Variants in KSR1 observed in about 807,000 individuals in gnomAD.
The protein encoded by KSR1 is kinase suppressor of ras 1.
Under a neutral mutation model 92.9 loss-of-function variants are expected in KSR1, and 35 were observed. The ratio of observed to expected loss-of-function variants is 0.38; its 90% CI spans 0.29 to 0.50. The LOEUF is 0.50. Among genes scored for constraint, KSR1 ranks in the 20% least tolerant of loss-of-function variants. KSR1 has a pLI of 0.94. For missense variants in KSR1, 972 were observed against 1,158.5 expected (o/e 0.84, Z 2.34); for synonymous variants, 467 against 472.6 (o/e 0.99, Z 0.15).
chr17:27,501,292 C>CTTTTTTTTTTTTTTTTTTTT, intron 1 of KSR1, among the ~76,000 whole-genome samples: 6 of 49,702 alleles, frequency 1.2e-4, no homozygotes, highest in East Asian at 8.7e-4. Context: ...TTCTTTTCTT[C>CTTTTTTTTTTTTTTTTTTTT]TTTTTTTTTT....
In KSR1 at chr17:27,625,386, T is replaced by G. The variant is rs2074319737; in HGVS notation, c.*1994T>G. On this transcript the variant is annotated 3_prime_UTR_variant, in exon 21 of 21. Coordinates refer to ENST00000644974, the MANE Select transcript of KSR1 (RefSeq NM_001394583.1). ...GTGAGCATCACAGTTAAAGAAGCGCTCATTGAGCAACTACAGTGCACTTGG... is the reference window on the plus strand; with the variant it reads ...GTGAGCATCACAGTTAAAGAAGCGCGCATTGAGCAACTACAGTGCACTTGG... 6.6e-6 allele frequency: 1 copy of G among 152,290 alleles called. No homozygotes were observed. Among genetic ancestry groups the G allele is most frequent in the Non-Finnish European group, 1.5e-5 (1 of 68,066 alleles). 9.4% of individuals were successfully genotyped at this position (152,290 alleles called of 1,614,324 possible).
chr17:27,471,338 G>A (rs1031815873), intron 1 of KSR1, among the ~76,000 whole-genome samples: 4 of 152,210 alleles, frequency 2.6e-5, no homozygotes, highest in African/African-American at 9.6e-5. Context: ...CTGGAAGTGG[G>A]TTAGAGAGAG....
At chr17:27,555,599 T>C (rs532618114) in intron 2 of KSR1, among the ~76,000 whole-genome samples, 1 of 152,294 alleles carries the variant, frequency 6.6e-6, no homozygotes, top group South Asian at 2.1e-4. Context: ...CAGCCCCCTC[T>C]GTTTTTTACT....
chr17:27,484,629 C>A (rs1247396147), intron 1 of KSR1, among the ~76,000 whole-genome samples: 3 of 142,580 alleles, frequency 2.1e-5, no homozygotes. Context: ...AGCATACACA[C>A]AATTCCTATC....
In KSR1 at chr17:27,582,557, C is replaced by G. The variant is rs2072804304; in HGVS notation, c.521-89C>G. 3 of 1,169,438 alleles carry G rather than the reference C, an allele frequency of 2.6e-6. No individual in the cohort carries two copies. The East Asian group carries it at 7.2e-5, about 28-fold the overall frequency. 72.4% of individuals were successfully genotyped at this position (1,169,438 alleles called of 1,614,324 possible). On this transcript the variant is annotated intron_variant, in intron 3 of 20. Transcript: ENST00000644974. ...CTTAAGAAACAGTGCAGCCTCACAC[C>G]AGGTGTTGAACATCTCTGGCCCCTA... is the stretch of plus-strand genomic sequence containing the variant.
At chr17:27,620,475 A>G (rs1336828462) in intron 19 of KSR1, among the ~76,000 whole-genome samples, 1 of 152,194 alleles carries the variant, frequency 6.6e-6, no homozygotes, top group East Asian at 1.9e-4. Context: ...GGAACATTAT[A>G]GTTGGGCACT....
chr17:27,504,208 C>T (rs2069293847), intron 1 of KSR1, among the ~76,000 whole-genome samples: 1 of 152,186 alleles, frequency 6.6e-6, no homozygotes, highest in African/African-American at 2.4e-5. Context: ...ACCCAAACAT[C>T]TGTGAAGGCA....
intron 1 of KSR1, among the ~76,000 whole-genome samples, chr17:27,490,722 C>T (rs936562666): frequency 3.3e-5 from 5 of 152,270 alleles, no homozygotes; most frequent in African/African-American, 1.2e-4. Context: ...AGGCAGCTGA[C>T]CCCTGTAAAT....
At chr17:27,460,126 C>T (rs1190901812) in intron 1 of KSR1, among the ~76,000 whole-genome samples, 1 of 152,080 alleles carries the variant, frequency 6.6e-6, no homozygotes, top group Admixed American at 6.5e-5. Flanking sequence ...GCTAGACCCT[C>T]CTAGGGGTCT....
chr17:27,482,453 C>T (rs569669651), intron 1 of KSR1, among the ~76,000 whole-genome samples: 48 of 152,122 alleles, frequency 3.2e-4, no homozygotes, highest in African/African-American at 1.1e-3. Context: ...GATGCTAGCT[C>T]AATAAAGTTA....
At chr17:27,563,284 C>A (rs1238025153) in intron 2 of KSR1, among the ~76,000 whole-genome samples, 1 of 152,096 alleles carries the variant, frequency 6.6e-6, no homozygotes, top group East Asian at 1.9e-4. Context: ...TTTCCATTTT[C>A]CTTTTCTGTT....
chr17:27,605,661 G>C lies in KSR1; in HGVS notation c.1842G>C (p.Val614=), dbSNP rs1484486519. Residue 614 remains valine, a synonymous_variant, in exon 14 of 21, where the codon GTG becomes GTC. Coordinates refer to ENST00000644974, the MANE Select transcript of KSR1 (RefSeq NM_001394583.1). ...RVHRGRWHGE[V]AIRLLEMDGH... ...ACCGCGGCCGCTGGCATGGCGAGGTGGCCATTCGCCTGCTGGAGATGGACG... is the reference window on the plus strand; with the variant it reads ...ACCGCGGCCGCTGGCATGGCGAGGTCGCCATTCGCCTGCTGGAGATGGACG... 1 of 1,612,210 alleles carries C rather than the reference G, an allele frequency of 6.2e-7. No homozygotes were observed. Among genetic ancestry groups the C allele is most frequent in the Non-Finnish European group, 8.5e-7 (1 of 1,179,734 alleles).
chr17:27,623,111 C>T (rs922434519), intron 20 of KSR1: 1 of 603,684 alleles, frequency 1.7e-6, no homozygotes, highest in African/African-American at 1.9e-5. Flanking sequence ...CGTTGCTGCT[C>T]CAAGTAGGAC....
intron 1 of KSR1, among the ~76,000 whole-genome samples, chr17:27,458,923 T>A (rs886889044): frequency 2.0e-5 from 3 of 152,176 alleles, no homozygotes; most frequent in African/African-American, 7.2e-5. Context: ...AGCTCGAAAT[T>A]CTCTAGGTTA....
chr17:27,600,695 C>T lies in KSR1; in HGVS notation c.1469-665C>T, dbSNP rs549339146. ...ACATCACTAGGCAAGAGGAATTTTC[C>T]CACTCCATTATAATTAGGGCCACCG... On this transcript the variant is annotated intron_variant, in intron 10 of 20. Coordinates refer to ENST00000644974, the MANE Select transcript of KSR1 (RefSeq NM_001394583.1). Among the ~76,000 whole-genome samples, 97 of 152,234 alleles carry T rather than the reference C, an allele frequency of 6.4e-4. 1 individual carries two copies. The highest frequency in any genetic ancestry group is 2.0e-3 in the African/African-American group (85 of 41,526).
At chr17:27,571,217 C>T (rs1202479235) in intron 2 of KSR1, among the ~76,000 whole-genome samples, 3 of 152,300 alleles carry the variant, frequency 2.0e-5, no homozygotes, top group Non-Finnish European at 2.9e-5. Flanking sequence ...ACAAGCAAAG[C>T]CAACATCCCC....
intron 18 of KSR1, among the ~76,000 whole-genome samples, chr17:27,614,467 AGTGCCATCTTCAGGGAG>A (rs2074003762): frequency 6.6e-6 from 1 of 152,176 alleles, no homozygotes; most frequent in African/African-American, 2.4e-5. Context: ...GAGAATGGTA[AGTGCCATCTTCAGGGAG>A]GCAAAGGCTG....
Position 27,625,932 on chromosome 17 carries a change from C to T in KSR1, c.*2540C>T, listed in dbSNP as rs1044729056. The T allele has an allele frequency of 1.3e-5, 2 of 152,358 alleles. No individual in the cohort carries two copies. The highest frequency in any genetic ancestry group is 1.9e-4 in the East Asian group (1 of 5,180). 9.4% of individuals were successfully genotyped at this position (152,358 alleles called of 1,614,324 possible). ...CAGCCCCCTGGGTTTCTGTCTAACTCGAAGTCTTGAATCCTAGCTAGTTTG... is the reference window on the plus strand; with the variant it reads ...CAGCCCCCTGGGTTTCTGTCTAACTTGAAGTCTTGAATCCTAGCTAGTTTG... On this transcript the variant is annotated 3_prime_UTR_variant, in exon 21 of 21. Transcript: ENST00000644974.
intron 1 of KSR1, among the ~76,000 whole-genome samples, chr17:27,539,412 G>A (rs1381679674): frequency 1.3e-5 from 2 of 152,208 alleles, no homozygotes; most frequent in Admixed American, 6.5e-5. Context: ...CGAGCAGCAG[G>A]GCTGCTGTGT....
Sources: gnomAD v4.1 joint callset for allele counts (sites outside exome capture counted in the v4.1 genomes callset) on GRCh38, gnomAD v4.1.1 for gene constraint, MANE v1.5 for transcripts, NCBI Gene and HGNC (gene_info 2026-07-23, HGNC 2026-07-21) for gene names.